The following CAP2 variants were observed in gnomAD, a reference collection of about 807,000 sequenced individuals.
CAP2 encodes the protein cyclase associated actin cytoskeleton regulatory protein 2.
CAP2 carries 24 observed loss-of-function variants against 57.7 expected under a neutral mutation model. The observed-to-expected ratio is 0.42, with a 90% CI of 0.30 to 0.58. CAP2 has a LOEUF of 0.58. Ranked by LOEUF, CAP2 falls within the 20% of genes least tolerant of loss-of-function variation. CAP2 has a pLI of 0.22. For synonymous variants in CAP2, 194 were observed against 207.2 expected (o/e 0.94, Z 0.55); for missense variants, 501 against 590.3 (o/e 0.85, Z 1.57).
In CAP2 at chr6:17,533,147, C is replaced by T. The variant is rs186712493; in HGVS notation, c.637-6122C>T. On this transcript the variant is annotated intron_variant, in intron 7 of 12. Transcript: ENST00000229922. ...CATAATAAAATCTAAAGTAATAAAG[C>T]GATTAGTATTTCAAGAAGTAACATT... Among the ~76,000 whole-genome samples the T allele has an allele frequency of 4.1e-3, 611 of 147,396 alleles. 5 individuals carry two copies. Among genetic ancestry groups the T allele is most frequent in the African/African-American group, 0.014 (567 of 39,614 alleles).
chr6:17,527,735 A>T (rs1762543803), intron 7 of CAP2, among the ~76,000 whole-genome samples: 1 of 151,536 alleles, frequency 6.6e-6, no homozygotes, highest in Non-Finnish European at 1.5e-5. Flanking sequence ...AGCTGGGATT[A>T]CAGGTTGTGC....
chr6:17,533,244 G>A (rs1203884689), intron 7 of CAP2, among the ~76,000 whole-genome samples: 3 of 151,870 alleles, frequency 2.0e-5, no homozygotes, highest in Non-Finnish European at 4.4e-5. Context: ...TATAGTATAT[G>A]TATCCAAAAA....
At chr6:17,405,167 G>A (rs1758926902) in intron 1 of CAP2, among the ~76,000 whole-genome samples, 1 of 152,194 alleles carries the variant, frequency 6.6e-6, no homozygotes, top group South Asian at 2.1e-4. Context: ...TGGATCACCT[G>A]AGGTCAGGAT....
At chr6:17,471,522 T>C (rs1761018195) in intron 4 of CAP2, among the ~76,000 whole-genome samples, 1 of 152,124 alleles carries the variant, frequency 6.6e-6, no homozygotes, top group Non-Finnish European at 1.5e-5. Context: ...AGAAAAAAGC[T>C]ACAAGAGAAG....
intron 3 of CAP2, among the ~76,000 whole-genome samples, chr6:17,461,941 T>C (rs531235454): frequency 2.6e-4 from 33 of 124,534 alleles, no homozygotes; most frequent in African/African-American, 9.1e-4. Context: ...TGCAGTGAGC[T>C]GAGATCGCAC....
chr6:17,425,096 C>T (rs2113536926), intron 2 of CAP2, among the ~76,000 whole-genome samples: 1 of 152,240 alleles, frequency 6.6e-6, no homozygotes, highest in Admixed American at 6.5e-5. Context: ...TTTCCATCAC[C>T]CTTTGGGCCT....
At chr6:17,450,199 C>T (rs542513132) in intron 3 of CAP2, among the ~76,000 whole-genome samples, 1 of 152,038 alleles carries the variant, frequency 6.6e-6, no homozygotes, top group African/African-American at 2.4e-5. Context: ...CTACAGGCGC[C>T]CACCACCACA....
chr6:17,541,219 C>A lies in CAP2; in HGVS notation c.1002+71C>A, dbSNP rs987823917. On this transcript the variant is annotated intron_variant, in intron 9 of 12. Transcript: ENST00000229922. ...AAAGGACCAACAGCCAAACCATTTA[C>A]CAAGATCTGAAGGATTTCTTTTTTT... is the stretch of plus-strand genomic sequence containing the variant. 9.1e-6 allele frequency: 11 copies of A among 1,206,396 alleles called. No homozygotes were observed. The African/African-American group carries it at 1.7e-4, about 18-fold the overall frequency. The allele number at this position is 1,206,396 out of a possible 1,614,324, so 74.7% of individuals were successfully genotyped here.
intron 1 of CAP2, among the ~76,000 whole-genome samples, chr6:17,417,466 G>T (rs1759312537): frequency 6.6e-6 from 1 of 151,880 alleles, no homozygotes; most frequent in Non-Finnish European, 1.5e-5. Context: ...TGTAGAGATG[G>T]GTTTCGCTGT....
chr6:17,458,751 A>G (rs565814214), intron 3 of CAP2, among the ~76,000 whole-genome samples: 1 of 152,274 alleles, frequency 6.6e-6, no homozygotes, highest in Admixed American at 6.5e-5. Context: ...CCAAGATTGC[A>G]GAGAGATAGA....
At chr6:17,514,517 A>G (rs1762226591) in intron 7 of CAP2, among the ~76,000 whole-genome samples, 1 of 152,154 alleles carries the variant, frequency 6.6e-6, no homozygotes, top group African/African-American at 2.4e-5. Context: ...TGGGAGGCCG[A>G]GGTGGGCAGA....
rs1221810154 is a variant in CAP2 at position 17,463,027 on chromosome 6, A to G, written c.254A>G (p.Gln85Arg). 1.2e-6 allele frequency: 2 copies of G among 1,614,174 alleles called. No individual in the cohort carries two copies. The highest frequency in any genetic ancestry group is 8.5e-7 in the Non-Finnish European group (1 of 1,180,004). ...AEMVHSAFQA[Q>R]RAFLLMASQY... ...ATGGTGCACAGTGCTTTCCAGGCCC[A>G]GCGGGCTTTCCTTCTGATGGCCTCT... Residue 85 changes from glutamine (Q) to arginine (R), a missense_variant, in exon 4 of 13, where the codon CAG (glutamine) becomes CGG (arginine). Gln to Arg is a conservative substitution (Grantham distance 43, BLOSUM62 1). Coordinates refer to ENST00000229922, the MANE Select transcript of CAP2 (RefSeq NM_006366.3).
chr6:17,456,727 G>T, intron 3 of CAP2, among the ~76,000 whole-genome samples: 2 of 152,262 alleles, frequency 1.3e-5, no homozygotes, highest in Admixed American at 1.3e-4. Context: ...CAAGAAGAGG[G>T]CTGATGCAGT....
chr6:17,417,131 G>A (rs1341007985), intron 1 of CAP2, among the ~76,000 whole-genome samples: 1 of 140,976 alleles, frequency 7.1e-6, no homozygotes, highest in Non-Finnish European at 1.6e-5. Context: ...AAAGTGAGGG[G>A]AAAATTCAGA....
At chr6:17,535,052 T>C (rs962452524) in intron 7 of CAP2, among the ~76,000 whole-genome samples, 1 of 152,070 alleles carries the variant, frequency 6.6e-6, no homozygotes, top group Non-Finnish European at 1.5e-5. Flanking sequence ...CAAGACATCT[T>C]ATATTCCCAT....
chr6:17,444,429 G>A (rs142212413), intron 3 of CAP2, among the ~76,000 whole-genome samples: 3,648 of 152,132 alleles, frequency 0.024, 164 homozygotes, highest in African/African-American at 0.083. Context: ...ACGAGGTCAA[G>A]AGATAGAGAC....
At chr6:17,520,651 G>A (rs2113674751) in intron 7 of CAP2, among the ~76,000 whole-genome samples, 1 of 152,240 alleles carries the variant, frequency 6.6e-6, no homozygotes, top group South Asian at 2.1e-4. Flanking sequence ...TGTTAACAAA[G>A]TGAAAGTTTA....
chr6:17,497,841 AT>A (rs1761707057), intron 4 of CAP2, among the ~76,000 whole-genome samples: 1 of 152,250 alleles, frequency 6.6e-6, no homozygotes. Context: ...AAAACTATAA[AT>A]CTCAACCTGA....
intron 3 of CAP2, among the ~76,000 whole-genome samples, chr6:17,439,657 T>C (rs576457062): frequency 6.6e-6 from 1 of 151,644 alleles, no homozygotes; most frequent in African/African-American, 2.4e-5. Flanking sequence ...TCATCAGGCA[T>C]TATATTCTCG....
Sources: allele counts gnomAD v4.1 joint callset (sites outside exome capture counted in the v4.1 genomes callset), GRCh38; gene constraint gnomAD v4.1.1; transcripts MANE v1.5; gene names NCBI Gene and HGNC (gene_info 2026-07-23, HGNC 2026-07-21).